The following GABRB1 variants were observed in gnomAD, a reference collection of about 807,000 sequenced individuals.
GABRB1 encodes gamma-aminobutyric acid type A receptor subunit beta1, also known as gamma-aminobutyric acid receptor subunit beta-1.
A neutral mutation model predicts 51.6 loss-of-function variants in GABRB1; 17 were observed. That is an observed-to-expected ratio of 0.33 (90% CI 0.23 to 0.49). The LOEUF (loss-of-function observed/expected upper bound fraction) is 0.49, where lower values mean the gene tolerates loss of function less well. GABRB1 is among the 20% of genes least tolerant of loss of function. The pLI, the probability that GABRB1 is intolerant of heterozygous loss-of-function variation, is 0.99. For synonymous variants in GABRB1, 247 were observed against 218.9 expected (o/e 1.13, Z -1.14); for missense variants, 410 against 600.6 (o/e 0.68, Z 3.32).
intron 3 of GABRB1, among the ~76,000 whole-genome samples, chr4:47,144,610 A>G (rs999184085): frequency 2.0e-5 from 3 of 151,966 alleles, no homozygotes; most frequent in Non-Finnish European, 4.4e-5. Context: ...TTTAATGGAT[A>G]AGGTAACTGA....
chr4:47,378,382 C>G (rs1271941721), intron 5 of GABRB1, among the ~76,000 whole-genome samples: 1 of 152,178 alleles, frequency 6.6e-6, no homozygotes, highest in African/African-American at 2.4e-5. Flanking sequence ...CCACCCGGAA[C>G]TCGTGCTGGC....
intron 4 of GABRB1, among the ~76,000 whole-genome samples, chr4:47,211,955 A>T (rs1478941102): frequency 6.6e-6 from 1 of 152,134 alleles, no homozygotes; most frequent in African/African-American, 2.4e-5. Context: ...TCATCCCAAC[A>T]TCTTTAACTT....
At chr4:47,123,835 T>A (rs1577929094) in intron 3 of GABRB1, among the ~76,000 whole-genome samples, 1 of 89,320 alleles carries the variant, frequency 1.1e-5, no homozygotes, top group Non-Finnish European at 2.0e-5. Context: ...ATATTATATA[T>A]TATATTATAT....
At chr4:47,347,283 G>GATAATA (rs1000146668) in intron 5 of GABRB1, among the ~76,000 whole-genome samples, 3 of 151,204 alleles carry the variant, frequency 2.0e-5, no homozygotes, top group African/African-American at 7.3e-5. Flanking sequence ...CCATCTCACA[G>GATAATA]ATAATAATAA....
At chr4:47,187,169 AAAATAC>A (rs1485100886) in intron 4 of GABRB1, among the ~76,000 whole-genome samples, 1 of 151,788 alleles carries the variant, frequency 6.6e-6, no homozygotes, top group Non-Finnish European at 1.5e-5. Flanking sequence ...GATCCCCTTA[AAAATAC>A]AGTTTGTACC....
At chr4:47,381,001 T>G (rs1014892044) in intron 5 of GABRB1, among the ~76,000 whole-genome samples, 4 of 152,166 alleles carry the variant, frequency 2.6e-5, no homozygotes, top group Non-Finnish European at 1.5e-5. Context: ...ATGGTTTATG[T>G]TTCCTCCTGT....
At chr4:47,149,269 G>A (rs1717320459) in intron 3 of GABRB1, among the ~76,000 whole-genome samples, 1 of 151,970 alleles carries the variant, frequency 6.6e-6, no homozygotes. Context: ...CAAAAAGAAT[G>A]AAAATGTGTA....
At position 47,320,130 on chromosome 4, in the gene GABRB1, C is replaced by T; in HGVS notation, c.465C>T (p.Ile155=). 6.3e-7 allele frequency: 1 copy of T among 1,591,904 alleles called. No homozygotes were observed. Among genetic ancestry groups the T allele is most frequent in the South Asian group, 1.1e-5 (1 of 90,694 alleles). ...PDGTVLYGLR[I]TTTAACMMDL... ...TTTTCTCTCTCCTCTCTATCAGAAT[C>T]ACAACCACAGCTGCATGTATGATGG... is the stretch of plus-strand genomic sequence containing the variant. The change falls in exon 5 of 9, where the codon ATC becomes ATT. Residue 155 remains isoleucine (I), a synonymous_variant. Transcript: ENST00000295454.
In GABRB1 at chr4:47,213,264, C is replaced by T. The variant is rs1002593861; in HGVS notation, c.461+51795C>T. On this transcript the variant is annotated intron_variant, in intron 4 of 8. Coordinates refer to ENST00000295454, the MANE Select transcript of GABRB1 (RefSeq NM_000812.4). ...GTTTATTTAGCTCTAGGAAGCCAGA[C>T]AAGCTGCTATTGCTCCAGCCCAGTG... Among the ~76,000 whole-genome samples the T allele has an allele frequency of 2.0e-5, 3 of 152,156 alleles. No individual in the cohort carries two copies. In the East Asian group the frequency reaches 5.8e-4, roughly 29 times the overall value.
At chr4:47,200,112 A>C (rs1380432897) in intron 4 of GABRB1, among the ~76,000 whole-genome samples, 2 of 152,214 alleles carry the variant, frequency 1.3e-5, no homozygotes, top group Non-Finnish European at 2.9e-5. Context: ...GAAGCTGGGC[A>C]TAGAGGGAAG....
chr4:47,248,374 T>C (rs1376796597), intron 4 of GABRB1, among the ~76,000 whole-genome samples: 1 of 152,182 alleles, frequency 6.6e-6, no homozygotes, highest in Non-Finnish European at 1.5e-5. Flanking sequence ...GAAACTCACT[T>C]GATCATGGTG....
chr4:47,339,893 C>G (rs1725824396), intron 5 of GABRB1, among the ~76,000 whole-genome samples: 1 of 151,460 alleles, frequency 6.6e-6, no homozygotes, highest in African/African-American at 2.4e-5. Context: ...TCTTAGGTCT[C>G]AAGGGTATTT....
intron 3 of GABRB1, among the ~76,000 whole-genome samples, chr4:47,154,650 G>A (rs777124556): frequency 1.6e-4 from 25 of 152,068 alleles, no homozygotes; most frequent in Non-Finnish European, 3.4e-4. Flanking sequence ...CAATAAAGAT[G>A]GGAGCAAATT....
intron 5 of GABRB1, among the ~76,000 whole-genome samples, chr4:47,392,624 G>T (rs1037086390): frequency 2.0e-5 from 3 of 152,070 alleles, no homozygotes; most frequent in Admixed American, 6.5e-5. Flanking sequence ...TTACAGGCGT[G>T]AGCCACCGTG....
chr4:47,227,301 TAAGGATACCAATAACATTGA>T (rs1362601504), intron 4 of GABRB1, among the ~76,000 whole-genome samples: 2 of 152,162 alleles, frequency 1.3e-5, no homozygotes, highest in Admixed American at 6.6e-5. Context: ...CCTAAGCTGG[TAAGGATACCAATAACATTGA>T]AAGCAATTGC....
At chr4:47,121,318 C>A (rs1233414251) in intron 3 of GABRB1, among the ~76,000 whole-genome samples, 1 of 152,126 alleles carries the variant, frequency 6.6e-6, no homozygotes, top group Admixed American at 6.5e-5. Flanking sequence ...CTCTCCCCAC[C>A]CCTGAGGCCA....
intron 5 of GABRB1, among the ~76,000 whole-genome samples, chr4:47,389,495 A>G (rs923547124): frequency 6.6e-6 from 1 of 152,240 alleles, no homozygotes; most frequent in African/African-American, 2.4e-5. Context: ...AAGTAGTAAT[A>G]TGGCTATCTG....
intron 4 of GABRB1, among the ~76,000 whole-genome samples, chr4:47,286,221 AAT>A (rs1468806446): frequency 6.6e-6 from 1 of 152,208 alleles, no homozygotes; most frequent in East Asian, 1.9e-4. Context: ...TCCACAGACT[AAT>A]AAACATGTTA....
In GABRB1 at chr4:47,184,229, G is replaced by A. The variant is rs115704119; in HGVS notation, c.461+22760G>A. On this transcript the variant is annotated intron_variant, in intron 4 of 8. Coordinates refer to ENST00000295454, the MANE Select transcript of GABRB1 (RefSeq NM_000812.4). The stretch of plus-strand genomic sequence containing the variant: ...CTGCCAGTCTGCCAAAACAGCCAAC[G>A]TTTTATTCATTAGTTATCTCATAAC... 8.5e-3 allele frequency among the ~76,000 whole-genome samples: 1,293 copies of A among 151,948 alleles called. 14 individuals are homozygous for A. Among genetic ancestry groups the A allele is most frequent in the African/African-American group, 0.029 (1,222 of 41,494 alleles).
Sources: allele counts gnomAD v4.1 joint callset (sites outside exome capture counted in the v4.1 genomes callset), GRCh38; gene constraint gnomAD v4.1.1; transcripts MANE v1.5; gene names NCBI Gene and HGNC (gene_info 2026-07-23, HGNC 2026-07-21).